Variants in TNFSF13B observed in about 807,000 individuals in gnomAD.
TNFSF13B encodes the protein tumor necrosis factor ligand superfamily member 13B.
Under a neutral mutation model 29.1 loss-of-function variants are expected in TNFSF13B, and 8 were observed. The ratio of observed to expected loss-of-function variants is 0.27; its 90% CI spans 0.16 to 0.50. The LOEUF (loss-of-function observed/expected upper bound fraction) is 0.50, where lower values mean the gene tolerates loss of function less well. Among genes scored for constraint, TNFSF13B ranks in the 20% least tolerant of loss-of-function variants. TNFSF13B has a pLI of 0.98. For missense variants in TNFSF13B, 248 were observed against 334.9 expected, an observed-to-expected ratio of 0.74 and a Z score of 2.03; for synonymous variants, 125 against 130.8, an observed-to-expected ratio of 0.96 and a Z score of 0.30.
chr13:108,293,846 G>C (rs1429374743), intron 3 of TNFSF13B, among the ~76,000 whole-genome samples: 1 of 152,168 alleles, frequency 6.6e-6, no homozygotes, highest in African/African-American at 2.4e-5. Flanking sequence ...TCACATGGCT[G>C]AGAACAGAGA....
At chr13:108,305,106 A>C (rs1470213346) in intron 5 of TNFSF13B, among the ~76,000 whole-genome samples, 3 of 152,150 alleles carry the variant, frequency 2.0e-5, no homozygotes, top group Admixed American at 6.5e-5. Context: ...AGAATAATTC[A>C]CCGGACTTTA....
At chr13:108,290,818 G>C (rs1881284370) in intron 3 of TNFSF13B, among the ~76,000 whole-genome samples, 2 of 151,736 alleles carry the variant, frequency 1.3e-5, no homozygotes, top group African/African-American at 4.8e-5. Flanking sequence ...TGATTAGAAA[G>C]ACCTTTTACA....
At chr13:108,282,270 T>C (rs1463912209) in intron 2 of TNFSF13B, among the ~76,000 whole-genome samples, 3 of 152,230 alleles carry the variant, frequency 2.0e-5, no homozygotes, top group South Asian at 2.1e-4. Context: ...ATGTTTTTCA[T>C]GGGAGACACA....
At chr13:108,298,104 A>G (rs1881505684) in intron 3 of TNFSF13B, among the ~76,000 whole-genome samples, 1 of 145,392 alleles carries the variant, frequency 6.9e-6, no homozygotes, top group African/African-American at 2.6e-5. Context: ...TTTTTTTAGT[A>G]ATAGCAATTT....
At position 108,295,985 on chromosome 13, in the gene TNFSF13B, T is replaced by A. The variant is rs1881449332; in HGVS notation, c.482-7268T>A. 4.1e-5 allele frequency among the ~76,000 whole-genome samples: 6 copies of A among 146,526 alleles called. No homozygotes were observed. In the South Asian group the frequency reaches 1.1e-3, roughly 26 times the overall value. On this transcript the variant is annotated intron_variant, in intron 3 of 5. Transcript: ENST00000375887. ...AGATATTTGTGGAATTCAAATATTT[T>A]AAAATTTAATGAGAATTATTTTGTT... is the stretch of plus-strand genomic sequence containing the variant.
In TNFSF13B at chr13:108,295,864, A is replaced by G. The variant is rs1881447006; in HGVS notation, c.482-7389A>G. 1.4e-5 allele frequency among the ~76,000 whole-genome samples: 2 copies of G among 146,252 alleles called. 1 individual carries two copies. The highest frequency in any genetic ancestry group is 5.1e-5 in the African/African-American group (2 of 39,030). On this transcript the variant is annotated intron_variant, in intron 3 of 5. Transcript: ENST00000375887. ...CAATTTTCCTTATGTTATTGAAGGT[A>G]GCTAAAATGAATGCTTAATAGAGAG...
chr13:108,273,582 C>T (rs563133633), intron 2 of TNFSF13B, among the ~76,000 whole-genome samples: 51 of 152,266 alleles, frequency 3.3e-4, no homozygotes, highest in Non-Finnish European at 7.2e-4. Flanking sequence ...ATAGCCACCT[C>T]CTGTTGCTAC....
At position 108,294,017 on chromosome 13, in the gene TNFSF13B, C is replaced by G. The variant is rs1881395803; in HGVS notation, c.481+7158C>G. On this transcript the variant is annotated intron_variant, in intron 3 of 5. Transcript: ENST00000375887. ...ATTTTGGGTGACAGAAATATTCAATCCATAACGGATGCTACTGTAAATGGG... is the reference window on the plus strand; with the variant it reads ...ATTTTGGGTGACAGAAATATTCAATGCATAACGGATGCTACTGTAAATGGG... 2.0e-5 allele frequency among the ~76,000 whole-genome samples: 3 copies of G among 152,138 alleles called. No homozygotes were observed. In the South Asian group the frequency reaches 6.2e-4, roughly 31 times the overall value.
chr13:108,270,926 G>A (rs1287575522), intron 2 of TNFSF13B, among the ~76,000 whole-genome samples: 1 of 151,622 alleles, frequency 6.6e-6, no homozygotes, highest in Non-Finnish European at 1.5e-5. Flanking sequence ...CTTTAATTTT[G>A]TTTATTTGTT....
intron 2 of TNFSF13B, among the ~76,000 whole-genome samples, chr13:108,281,467 A>G (rs1286111315): frequency 2.0e-5 from 3 of 152,176 alleles, no homozygotes; most frequent in Non-Finnish European, 4.4e-5. Context: ...TTCACAATGT[A>G]TCTTAGATGC....
chr13:108,285,549 A>G (rs1366147656), intron 2 of TNFSF13B, among the ~76,000 whole-genome samples: 1 of 152,224 alleles, frequency 6.6e-6, no homozygotes, highest in Non-Finnish European at 1.5e-5. Flanking sequence ...AATGGTAAGT[A>G]TTTGTGTATC....
intron 2 of TNFSF13B, among the ~76,000 whole-genome samples, chr13:108,275,606 T>A (rs1283666875): frequency 1.3e-5 from 2 of 152,142 alleles, no homozygotes; most frequent in African/African-American, 2.4e-5. Flanking sequence ...ATAATTATCA[T>A]GAGATTTTTG....
chr13:108,270,493 G>A lies in TNFSF13B; in HGVS notation c.424+69G>A, dbSNP rs571336379. 2.2e-5 allele frequency: 31 copies of A among 1,422,366 alleles called. 1 individual carries two copies. In the South Asian group the frequency reaches 3.4e-4, roughly 15 times the overall value. 88.1% of individuals were successfully genotyped at this position (1,422,366 alleles called of 1,614,324 possible). A position where few individuals can be genotyped will look rare whatever the true frequency, so the allele number is the denominator to read the frequency against. On this transcript the variant is annotated intron_variant, in intron 2 of 5. Transcript: ENST00000375887. ...AATAACATCCAGTCTGGGGGAGCTG[G>A]AGGTGAGTATCCCCTCTATGAACCT...
At chr13:108,299,733 C>A (rs1881560591) in intron 3 of TNFSF13B, among the ~76,000 whole-genome samples, 1 of 152,096 alleles carries the variant, frequency 6.6e-6, no homozygotes, top group Admixed American at 6.6e-5. Context: ...TTAGTCTTTA[C>A]CTCCTGTTTG....
chr13:108,295,342 T>TTTTA (rs1344768944), intron 3 of TNFSF13B, among the ~76,000 whole-genome samples: 1 of 144,098 alleles, frequency 6.9e-6, no homozygotes, highest in South Asian at 2.2e-4. Flanking sequence ...GCCTAGCTAT[T>TTTTA]TTTATTTATT....
At position 108,283,563 on chromosome 13, in the gene TNFSF13B, A is replaced by G. The variant is rs530525142; in HGVS notation, c.425-3240A>G. On this transcript the variant is annotated intron_variant, in intron 2 of 5. Coordinates refer to ENST00000375887, the MANE Select transcript of TNFSF13B (RefSeq NM_006573.5). ...GCTGTGGAGACTAAAAAGGAGACAT[A>G]TTCATGGTGTCAAGTCATTACTTAT... 3.9e-5 allele frequency among the ~76,000 whole-genome samples: 6 copies of G among 152,344 alleles called. No individual in the cohort carries two copies. The East Asian group carries it at 1.2e-3, about 29-fold the overall frequency.
chr13:108,306,364 T>G (rs1478374742), intron 5 of TNFSF13B, among the ~76,000 whole-genome samples: 1 of 152,050 alleles, frequency 6.6e-6, no homozygotes, highest in Non-Finnish European at 1.5e-5. Context: ...TTTTTAATAT[T>G]TATGCTTTTC....
intron 5 of TNFSF13B, 139 bp downstream of exon 5, chr13:108,303,743 T>A (rs1184846600): frequency 2.3e-6 from 2 of 873,056 alleles, no homozygotes; most frequent in Admixed American, 2.7e-5. Flanking sequence ...TATATTGTGT[T>A]TTTTAAATCT....
At chr13:108,306,647 C>T (rs878890164) in intron 5 of TNFSF13B, among the ~76,000 whole-genome samples, 179 bp from the exon 6 acceptor site, 2 of 151,370 alleles carry the variant, frequency 1.3e-5, no homozygotes, top group Non-Finnish European at 3.0e-5. Context: ...TTGCTTATTT[C>T]TTCTAAATTT....
Sources: gnomAD v4.1 joint callset for allele counts (sites outside exome capture counted in the v4.1 genomes callset) on GRCh38, gnomAD v4.1.1 for gene constraint, MANE v1.5 for transcripts, NCBI Gene and HGNC (gene_info 2026-07-23, HGNC 2026-07-21) for gene names.